Variants in TRAPPC13 observed in about 807,000 individuals in gnomAD.
TRAPPC13 encodes REV7-interacting novel NHEJ regulator 1.
TRAPPC13 carries 39 observed loss-of-function variants against 54.0 expected under a neutral mutation model. The ratio of observed to expected loss-of-function variants is 0.72; its 90% CI spans 0.56 to 0.94. The LOEUF is 0.94. Among genes scored for constraint, TRAPPC13 ranks in the 40% least tolerant of loss-of-function variants. TRAPPC13 has a pLI of 0.00. For synonymous variants in TRAPPC13, 148 were observed against 167.7 expected, an observed-to-expected ratio of 0.88 and a Z score of 0.91; for missense variants, 386 against 488.1, an observed-to-expected ratio of 0.79 and a Z score of 1.97.
At chr5:65,634,142 C>T (rs1045465271) in intron 1 of TRAPPC13, among the ~76,000 whole-genome samples, 3 of 143,580 alleles carry the variant, frequency 2.1e-5, no homozygotes, top group Non-Finnish European at 3.1e-5. Context: ...CCCGCCACCA[C>T]GCCCAGCTAA....
chr5:65,638,771 G>A (rs1289408566), intron 4 of TRAPPC13, among the ~76,000 whole-genome samples: 3 of 152,172 alleles, frequency 2.0e-5, no homozygotes, highest in African/African-American at 7.2e-5. Context: ...CTTGTGCGGG[G>A]AAACTCCCAT....
intron 4 of TRAPPC13, among the ~76,000 whole-genome samples, chr5:65,641,005 C>T (rs1283062652): frequency 6.6e-6 from 1 of 151,786 alleles, no homozygotes; most frequent in African/African-American, 2.4e-5. Context: ...ATGATCATAG[C>T]TCACTATAAC....
In TRAPPC13 at chr5:65,628,274, T is replaced by C. The variant is rs555464545; in HGVS notation, c.46+3168T>C. 4.6e-5 allele frequency among the ~76,000 whole-genome samples: 7 copies of C among 152,280 alleles called. No individual in the cohort carries two copies. The East Asian group carries it at 1.4e-3, about 29-fold the overall frequency. ...AAACTGGAATTCAAAAGCCATGGTA[T>C]TGGGGTCTCCATACTGTTTAATTGC... On this transcript the variant is annotated intron_variant, in intron 1 of 12. Coordinates refer to ENST00000399438, the MANE Select transcript of TRAPPC13 (RefSeq NM_024941.4).
rs147986951 is a variant in TRAPPC13, at chr5:65,647,455, G to A, written c.428+273G>A. Among the ~76,000 whole-genome samples, 49 of 152,106 alleles carry A rather than the reference G, an allele frequency of 3.2e-4. 2 individuals carry two copies. In the East Asian group the frequency reaches 9.3e-3, roughly 29 times the overall value. ...AGCTGTACAAAATGTTTAAAACCCAGGTAGCACTCTAAAAGTAAATTTATT... is the reference window on the plus strand; with the variant it reads ...AGCTGTACAAAATGTTTAAAACCCAAGTAGCACTCTAAAAGTAAATTTATT... On this transcript the variant is annotated intron_variant, in intron 5 of 12. Coordinates refer to ENST00000399438, the MANE Select transcript of TRAPPC13 (RefSeq NM_024941.4).
intron 1 of TRAPPC13, chr5:65,630,149 CTCAA>C (rs1196041250): frequency 3.3e-6 from 5 of 1,535,930 alleles, no homozygotes; most frequent in Non-Finnish European, 4.4e-6. Context: ...TTGGACAAAA[CTCAA>C]TCAAATTATT....
Position 65,660,735 on chromosome 5 carries a change from A to C in TRAPPC13, c.735A>C (p.Pro245=), listed in dbSNP as rs143063530. ...STFGSRAYLQ[P]MDTRQYLYCL... Reference sequence around the variant, plus strand: ...TTGGGTCAAGAGCATATTTGCAACCAATGGATACACGCCAGTACTTATACT... The same window carrying C: ...TTGGGTCAAGAGCATATTTGCAACCCATGGATACACGCCAGTACTTATACT... The change falls in exon 10 of 13, where the codon CCA becomes CCC. Residue 245 remains proline (P), a synonymous_variant. Coordinates refer to ENST00000399438, the MANE Select transcript of TRAPPC13 (RefSeq NM_024941.4). 52 of 1,612,418 alleles carry C rather than the reference A, an allele frequency of 3.2e-5. No homozygotes were observed. In the African/African-American group the frequency reaches 6.4e-4, roughly 20 times the overall value.
intron 9 of TRAPPC13, among the ~76,000 whole-genome samples, chr5:65,659,328 C>T (rs1356546401): frequency 6.6e-6 from 1 of 152,198 alleles, no homozygotes; most frequent in Non-Finnish European, 1.5e-5. Flanking sequence ...TTTCCAAAAA[C>T]TCTCCTGTGC....
At chr5:65,637,224 G>A (rs1755780934) in intron 3 of TRAPPC13, among the ~76,000 whole-genome samples, 1 of 152,212 alleles carries the variant, frequency 6.6e-6, no homozygotes, top group South Asian at 2.1e-4. Flanking sequence ...ACTAGGTAAT[G>A]AATGAGTGGC....
chr5:65,662,426 A>G (rs1342746738), intron 11 of TRAPPC13: 1 of 236,716 alleles, frequency 4.2e-6, no homozygotes, highest in Non-Finnish European at 8.0e-6. Flanking sequence ...TCACCAAAAC[A>G]TGAACTAATA....
chr5:65,655,467 G>C (rs1204439588), intron 7 of TRAPPC13, among the ~76,000 whole-genome samples, 169 bp from the exon 8 acceptor site: 1 of 151,902 alleles, frequency 6.6e-6, no homozygotes, highest in East Asian at 1.9e-4. Flanking sequence ...TTAGAAAAAT[G>C]GTTTGTCATA....
At position 65,652,429 on chromosome 5, in the gene TRAPPC13, TATTTG is replaced by T. The variant is rs1253783598; in HGVS notation, c.502-67_502-63del. 4.5e-5 allele frequency: 47 copies of T among 1,036,234 alleles called. No homozygotes were observed. In the East Asian group the frequency reaches 1.2e-3, roughly 26 times the overall value. The allele number at this position is 1,036,234 out of a possible 1,614,324, so 64.2% of individuals were successfully genotyped here. A position where few individuals can be genotyped will look rare whatever the true frequency, so the allele number is the denominator to read the frequency against. Reference sequence around the variant, plus strand: ...TGGAAAATGACTGACAAACTTACACTATTTGATTTAAATAAATAAATAAATGGTCA... The same window carrying T: ...TGGAAAATGACTGACAAACTTACACTATTTAAATAAATAAATAAATGGTCA... On this transcript the variant is annotated intron_variant, in intron 6 of 12. Transcript: ENST00000399438.
rs545471139 is a variant in TRAPPC13 at position 65,626,716 on chromosome 5, A to G, written c.46+1610A>G. On this transcript the variant is annotated intron_variant, in intron 1 of 12. Transcript: ENST00000399438. ...ACGCCACTGCACGCCATCCTAGGCA[A>G]CAGAGCGAGACTCCATCTCAAAAAA... 3.9e-5 allele frequency among the ~76,000 whole-genome samples: 6 copies of G among 152,324 alleles called. No individual in the cohort carries two copies. The East Asian group carries it at 1.2e-3, about 29-fold the overall frequency.
intron 1 of TRAPPC13, among the ~76,000 whole-genome samples, chr5:65,633,168 A>G (rs1484883675): frequency 1.3e-5 from 2 of 152,234 alleles, no homozygotes; most frequent in Non-Finnish European, 2.9e-5. Flanking sequence ...TGAATGCCAT[A>G]GTTGGTTAAT....
At chr5:65,638,160 A>G (rs1220127404) in intron 4 of TRAPPC13, among the ~76,000 whole-genome samples, 2 of 151,620 alleles carry the variant, frequency 1.3e-5, no homozygotes, top group East Asian at 1.9e-4. Context: ...TTTTATATCT[A>G]TTATGTTTTT....
intron 11 of TRAPPC13, 23 bp downstream of exon 11, chr5:65,662,173 G>A: frequency 6.6e-7 from 1 of 1,518,998 alleles, no homozygotes; most frequent in Non-Finnish European, 9.0e-7. Flanking sequence ...TTTGTAGATG[G>A]ATGTCCTTTC....
intron 1 of TRAPPC13, chr5:65,629,976 G>C (rs1410000923): frequency 6.5e-7 from 1 of 1,535,988 alleles, no homozygotes; most frequent in African/African-American, 1.4e-5. Context: ...CACAAGAGGA[G>C]ATCTTGGAGT....
intron 7 of TRAPPC13, among the ~76,000 whole-genome samples, chr5:65,654,983 G>T (rs1756599075): frequency 1.3e-5 from 2 of 152,128 alleles, no homozygotes; most frequent in Non-Finnish European, 2.9e-5. Flanking sequence ...AACACATCCT[G>T]GGTACCTAGA....
intron 11 of TRAPPC13, chr5:65,662,929 T>C (rs1415859107): frequency 6.6e-6 from 1 of 152,168 alleles, no homozygotes; most frequent in Non-Finnish European, 1.5e-5. Context: ...ATAGAAAATT[T>C]TAACTTAGTT....
Position 65,658,453 on chromosome 5 carries a change from T to G in TRAPPC13, c.650T>G (p.Ile217Ser). The G allele has an allele frequency of 6.3e-7, 1 of 1,589,288 alleles. No homozygotes were observed. The highest frequency in any genetic ancestry group is 8.6e-7 in the Non-Finnish European group (1 of 1,166,082). Residue 217 changes from isoleucine to serine, a missense_variant, in exon 9 of 13, where the codon ATT becomes AGT. By Grantham distance (142) the Ile-to-Ser change is moderately radical (BLOSUM62 -2). Coordinates refer to ENST00000399438, the MANE Select transcript of TRAPPC13 (RefSeq NM_024941.4). ...GAGAAGGTTTCACTGGAGCCATCTA[T>G]TATGTACAATGTAACAGAATTAAAT... Reference protein sequence around the residue: ...FMEKVSLEPSIMYNVTELNSV... With the variant: ...FMEKVSLEPSSMYNVTELNSV...
Sources: gnomAD v4.1 joint callset for allele counts (sites outside exome capture counted in the v4.1 genomes callset) on GRCh38, gnomAD v4.1.1 for gene constraint, MANE v1.5 for transcripts, NCBI Gene and HGNC (gene_info 2026-07-23, HGNC 2026-07-21) for gene names.